The following C3orf20 variants were observed in gnomAD, a reference collection of about 807,000 sequenced individuals.
The protein encoded by C3orf20 is family with sequence similarity 149 member C.
In C3orf20, 76 loss-of-function variants were observed where a neutral mutation model predicts 88.3. The observed-to-expected ratio is 0.86, with a 90% CI of 0.72 to 1.04. The LOEUF is 1.04. Ranked by LOEUF, C3orf20 falls within the 50% of genes least tolerant of loss-of-function variation. C3orf20 has a pLI of 0.00. For synonymous variants in C3orf20, 436 were observed against 437.4 expected (o/e 1.00, Z 0.04); for missense variants, 1,056 against 1,123.3 (o/e 0.94, Z 0.86).
chr3:14,720,412 T>C (rs988096282), intron 9 of C3orf20, among the ~76,000 whole-genome samples: 2 of 152,134 alleles, frequency 1.3e-5, no homozygotes, highest in African/African-American at 4.8e-5. Flanking sequence ...TTCAGGGTGC[T>C]GGAGGGAACT....
intron 9 of C3orf20, among the ~76,000 whole-genome samples, chr3:14,720,980 T>C (rs1292358281): frequency 1.3e-5 from 2 of 152,042 alleles, no homozygotes; most frequent in Non-Finnish European, 2.9e-5. Flanking sequence ...AAGGCGTGAG[T>C]TGTTATAAGG....
chr3:14,758,173 AG>A (rs1479490239), intron 13 of C3orf20, among the ~76,000 whole-genome samples: 2 of 152,160 alleles, frequency 1.3e-5, no homozygotes, highest in Non-Finnish European at 2.9e-5. Context: ...ACTGCCAGTG[AG>A]GCCGTGAGAG....
chr3:14,689,540 A>C (rs958151076), intron 4 of C3orf20, among the ~76,000 whole-genome samples: 1 of 152,192 alleles, frequency 6.6e-6, no homozygotes, highest in Non-Finnish European at 1.5e-5. Flanking sequence ...CAGATATCAA[A>C]CGATTCTATA....
intron 4 of C3orf20, among the ~76,000 whole-genome samples, chr3:14,686,351 A>G (rs2032432485): frequency 6.6e-6 from 1 of 152,250 alleles, no homozygotes; most frequent in East Asian, 1.9e-4. Flanking sequence ...ATAAATACCC[A>G]GAAGTGGAAT....
chr3:14,754,558 A>C (rs191571452), intron 12 of C3orf20, among the ~76,000 whole-genome samples: 4 of 152,124 alleles, frequency 2.6e-5, no homozygotes, highest in Admixed American at 1.3e-4. Context: ...GGTTGTTGCA[A>C]GTTTTTTCAT....
At chr3:14,708,933 C>G (rs1454266009) in intron 7 of C3orf20, among the ~76,000 whole-genome samples, 2 of 152,158 alleles carry the variant, frequency 1.3e-5, no homozygotes, top group Non-Finnish European at 2.9e-5. Context: ...CATGAGCCAC[C>G]ACACCCGGCC....
chr3:14,726,128 T>C (rs2034337288), intron 10 of C3orf20, among the ~76,000 whole-genome samples: 1 of 152,238 alleles, frequency 6.6e-6, no homozygotes, highest in African/African-American at 2.4e-5. Flanking sequence ...TGTAGGAGTT[T>C]ACTGGAGACT....
At chr3:14,770,011 C>G (rs960518636) in intron 15 of C3orf20, among the ~76,000 whole-genome samples, 36 of 152,284 alleles carry the variant, frequency 2.4e-4, no homozygotes, top group African/African-American at 8.4e-4. Flanking sequence ...CTCAAGCACT[C>G]AACACCAAAC....
In C3orf20 at chr3:14,772,771, C is replaced by T; in HGVS notation, c.2631-20C>T. On this transcript the variant is annotated intron_variant, in intron 16 of 16. Transcript: ENST00000253697. The surrounding 1 kb of genome is among the most constrained non-coding windows in gnomAD (Gnocchi z 4.2). Reference sequence around the variant, plus strand: ...GAAGAACAGCCCTTCCGCCTCCCGGCCCTCTATTTTGATCTTTAGGACAAG... The same window carrying T: ...GAAGAACAGCCCTTCCGCCTCCCGGTCCTCTATTTTGATCTTTAGGACAAG... 6.2e-7 allele frequency: 1 copy of T among 1,604,286 alleles called. No homozygotes were observed. Among genetic ancestry groups the T allele is most frequent in the Non-Finnish European group, 8.5e-7 (1 of 1,171,356 alleles).
At position 14,772,761 on chromosome 3, in the gene C3orf20, C is replaced by G. The variant is rs754498021; in HGVS notation, c.2631-30C>G. ...TGGGCACTGTGAAGAACAGCCCTTC[C>G]GCCTCCCGGCCCTCTATTTTGATCT... On this transcript the variant is annotated intron_variant, in intron 16 of 16. Coordinates refer to ENST00000253697, the MANE Select transcript of C3orf20 (RefSeq NM_032137.5). This position sits in a 1 kb window ranked among gnomAD's most constrained non-coding sequence, Gnocchi z 4.2. 6.3e-7 allele frequency: 1 copy of G among 1,586,822 alleles called. No homozygotes were observed. Among genetic ancestry groups the G allele is most frequent in the Non-Finnish European group, 8.7e-7 (1 of 1,155,846 alleles).
chr3:14,755,657 T>G (rs1381837132), intron 12 of C3orf20, among the ~76,000 whole-genome samples: 1 of 152,242 alleles, frequency 6.6e-6, no homozygotes, highest in Non-Finnish European at 1.5e-5. Context: ...ATCCTAGCCC[T>G]TGCCACTTAA....
At chr3:14,741,313 C>T (rs995707205) in intron 12 of C3orf20, among the ~76,000 whole-genome samples, 6 of 152,250 alleles carry the variant, frequency 3.9e-5, no homozygotes, top group Middle Eastern at 3.4e-3. Context: ...CTGTTTTTCT[C>T]TCTCTAGCTT....
At chr3:14,676,659 C>G (rs2031788561) in intron 1 of C3orf20, among the ~76,000 whole-genome samples, 1 of 152,168 alleles carries the variant, frequency 6.6e-6, no homozygotes, top group Non-Finnish European at 1.5e-5. Flanking sequence ...TGGGGTGCCA[C>G]TTTCATAAGC....
chr3:14,734,805 C>T (rs4685213), intron 12 of C3orf20, among the ~76,000 whole-genome samples: 57,465 of 151,824 alleles, frequency 0.38, 11,126 homozygotes, highest in Middle Eastern at 0.45. Context: ...ATATCTCCCA[C>T]GATAATTTTG....
intron 7 of C3orf20, among the ~76,000 whole-genome samples, chr3:14,711,723 C>G (rs959341396): frequency 6.7e-6 from 1 of 149,638 alleles, no homozygotes; most frequent in Non-Finnish European, 1.5e-5. Context: ...GCAACCTCCA[C>G]CTCCTGGGCT....
At position 14,722,600 on chromosome 3, in the gene C3orf20, CT is replaced by C. The variant is rs111617979; in HGVS notation, c.1566+817del. 2,684 of 456,682 alleles carry C rather than the reference CT, an allele frequency of 5.9e-3. 54 individuals are homozygous for C. The highest frequency in any genetic ancestry group is 0.047 in the African/African-American group (2,362 of 50,176). The allele number at this position is 456,682 out of a possible 1,614,324, so 28.3% of individuals were successfully genotyped here. On this transcript the variant is annotated intron_variant, in intron 10 of 16. Coordinates refer to ENST00000253697, the MANE Select transcript of C3orf20 (RefSeq NM_032137.5). Reference sequence around the variant, plus strand: ...CAGTCTCTCCCTCTGCTCAGCCCCCCTGGCCGTGACAACGTCCATTCTAGAC... The same window carrying C: ...CAGTCTCTCCCTCTGCTCAGCCCCCCGGCCGTGACAACGTCCATTCTAGAC...
chr3:14,757,623 G>A lies in C3orf20; in HGVS notation c.2193G>A (p.Leu731=). Residue 731 remains leucine, a synonymous_variant, in exon 13 of 17, where the codon CTG becomes CTA. Transcript: ENST00000253697. ...GCACTGGGCAGCTCCAGTGGCTGCT[G>A]AACACTCTCTACAACCACCAGCAGC... is the stretch of plus-strand genomic sequence containing the variant. ...YTSTGQLQWL[L]NTLYNHQQRG... The A allele has an allele frequency of 6.2e-7, 1 of 1,613,686 alleles. No individual in the cohort carries two copies. Among genetic ancestry groups the A allele is most frequent in the Non-Finnish European group, 8.5e-7 (1 of 1,179,890 alleles).
chr3:14,732,006 ATACT>A (rs1183603370), intron 12 of C3orf20, among the ~76,000 whole-genome samples: 3 of 152,334 alleles, frequency 2.0e-5, no homozygotes, highest in African/African-American at 7.2e-5. Context: ...ACTTGGGTAA[ATACT>A]TAAGAGCTAG....
rs77177822 is a variant in C3orf20, at chr3:14,770,534, C to T, written c.2496-1533C>T. ...TTGCTCTAGGCCTTGTAGGATGGCC[C>T]CTGCCTGGACAGTCCCTCCACACCC... On this transcript the variant is annotated intron_variant, in intron 15 of 16. Coordinates refer to ENST00000253697, the MANE Select transcript of C3orf20 (RefSeq NM_032137.5). Among the ~76,000 whole-genome samples, 1,826 of 152,196 alleles carry T rather than the reference C, an allele frequency of 0.012. 108 individuals carry two copies. In the East Asian group the frequency reaches 0.16, roughly 13 times the overall value.
Sources: gnomAD v4.1 joint callset for allele counts (sites outside exome capture counted in the v4.1 genomes callset) on GRCh38, gnomAD v4.1.1 for gene constraint, Gnocchi (gnomAD v3.1) non-coding constraint, MANE v1.5 for transcripts, NCBI Gene and HGNC (gene_info 2026-07-23, HGNC 2026-07-21) for gene names.